Variants in SETD3 observed in about 807,000 individuals in gnomAD.
SETD3 encodes SET domain containing 3, actin N3(tau)-histidine methyltransferase, also known as actin-histidine N-methyltransferase.
Under a neutral mutation model 63.0 loss-of-function variants are expected in SETD3, and 19 were observed. That is an observed-to-expected ratio of 0.30 (90% CI 0.21 to 0.44). The LOEUF is 0.44. SETD3 is among the 20% of genes least tolerant of loss of function. The probability of loss-of-function intolerance (pLI) is 1.00; values close to 1 mark genes in which losing one functional copy is unlikely to be tolerated. For missense variants in SETD3, 587 were observed against 728.5 expected, an observed-to-expected ratio of 0.81 and a Z score of 2.24; for synonymous variants, 286 against 264.1, an observed-to-expected ratio of 1.08 and a Z score of -0.80.
chr14:99,407,833 T>TTGTTGATC (rs1891769322), intron 8 of SETD3, among the ~76,000 whole-genome samples: 1 of 152,126 alleles, frequency 6.6e-6, no homozygotes, highest in Admixed American at 6.5e-5. Context: ...CTGGAGCCCC[T>TTGTTGATC]TGTTGATCTC....
intron 2 of SETD3, among the ~76,000 whole-genome samples, chr14:99,464,895 C>T (rs1342233270): frequency 6.6e-6 from 1 of 152,210 alleles, no homozygotes; most frequent in Admixed American, 6.5e-5. Context: ...ATAATCCCAG[C>T]ACTTTGGTAG....
At chr14:99,442,834 T>C (rs1215987836) in intron 6 of SETD3, among the ~76,000 whole-genome samples, 1 of 152,172 alleles carries the variant, frequency 6.6e-6, no homozygotes, top group Admixed American at 6.5e-5. Flanking sequence ...CTGCCCCCTG[T>C]GCTGTTCAAG....
the SETD3 span, among the ~76,000 whole-genome samples, chr14:99,486,013 G>A: frequency 5.3e-5 from 8 of 151,846 alleles, no homozygotes; most frequent in Non-Finnish European, 7.4e-5. Context: ...ATCCTATACC[G>A]TACAAATTAC....
intron 1 of SETD3, among the ~76,000 whole-genome samples, chr14:99,473,219 T>C (rs1566737179): frequency 6.6e-6 from 1 of 152,216 alleles, no homozygotes; most frequent in Non-Finnish European, 1.5e-5. Context: ...TTCTTTTCCA[T>C]CGAATCTGAA....
chr14:99,404,142 C>A, intron 11 of SETD3, 83 bp downstream of exon 11: 1 of 1,109,382 alleles, frequency 9.0e-7, no homozygotes, highest in South Asian at 1.4e-5. Flanking sequence ...TCCACTTTAC[C>A]TTTAATCTGA....
chr14:99,412,929 A>AG (rs757262730), intron 8 of SETD3, 22 bp downstream of exon 8: 3 of 1,516,048 alleles, frequency 2.0e-6, no homozygotes, highest in Non-Finnish European at 2.8e-6. Flanking sequence ...ATTCAACACA[A>AG]CACAGGGGAA....
chr14:99,434,700 A>T (rs1027584939), intron 6 of SETD3, among the ~76,000 whole-genome samples: 1 of 151,894 alleles, frequency 6.6e-6, no homozygotes, highest in South Asian at 2.1e-4. Flanking sequence ...ATACAAAATT[A>T]GCTGGGCGTG....
intron 3 of SETD3, among the ~76,000 whole-genome samples, chr14:99,462,105 AAAAACAAATACAAAAAC>A (rs1895098656): frequency 6.6e-6 from 1 of 152,224 alleles, no homozygotes; most frequent in Non-Finnish European, 1.5e-5. Flanking sequence ...TTTATTTCTT[AAAAACAAATACAAAAAC>A]AAAACCAAGG....
chr14:99,448,998 T>C (rs1356028666), intron 6 of SETD3, among the ~76,000 whole-genome samples: 1 of 152,224 alleles, frequency 6.6e-6, no homozygotes, highest in African/African-American at 2.4e-5. Flanking sequence ...CAGGTATCTT[T>C]ACATGAAGAG....
At chr14:99,401,972 G>GCACA (rs200049527) in intron 11 of SETD3, among the ~76,000 whole-genome samples, 6,124 of 152,250 alleles carry the variant, frequency 0.04, 403 homozygotes, top group African/African-American at 0.14. Flanking sequence ...CCTGCCTGCA[G>GCACA]GCCAGGAGCT....
intron 6 of SETD3, among the ~76,000 whole-genome samples, chr14:99,427,965 C>T (rs936126908): frequency 1.4e-4 from 22 of 152,144 alleles, no homozygotes; most frequent in African/African-American, 5.3e-4. Flanking sequence ...ACATCCCAGA[C>T]AGAGAGTACC....
At chr14:99,469,014 T>C (rs1895548382) in intron 1 of SETD3, among the ~76,000 whole-genome samples, 1 of 152,200 alleles carries the variant, frequency 6.6e-6, no homozygotes, top group Non-Finnish European at 1.5e-5. Context: ...TTCCATCCCC[T>C]TGGAACAGAC....
intron 1 of SETD3, among the ~76,000 whole-genome samples, chr14:99,468,311 A>G (rs1044713396): frequency 3.9e-5 from 6 of 152,160 alleles, no homozygotes; most frequent in Admixed American, 2.0e-4. Context: ...ACGAGTCCTC[A>G]TGGTTAGACC....
At chr14:99,404,095 T>C (rs1489139759) in intron 11 of SETD3, 130 bp downstream of exon 11, 1 of 638,090 alleles carries the variant, frequency 1.6e-6, no homozygotes, top group African/African-American at 1.8e-5. Flanking sequence ...TCTCCAGTAT[T>C]GTATCTTCTC....
chr14:99,433,714 C>A (rs1014449304), intron 6 of SETD3, among the ~76,000 whole-genome samples: 95 of 152,206 alleles, frequency 6.2e-4, no homozygotes, highest in African/African-American at 2.2e-3. Context: ...TGGGATTACA[C>A]GTGTGAGCTA....
chr14:99,426,493 C>T (rs114685102), intron 6 of SETD3, among the ~76,000 whole-genome samples: 2,418 of 152,238 alleles, frequency 0.016, 60 homozygotes, highest in African/African-American at 0.055. Context: ...CGGAAAGCAG[C>T]AGAGCAGCTG....
chr14:99,421,896 T>C (rs1892615681), intron 6 of SETD3, among the ~76,000 whole-genome samples: 1 of 152,188 alleles, frequency 6.6e-6, no homozygotes, highest in Admixed American at 6.5e-5. Context: ...AATAGTCTTA[T>C]AAAGTCTAAT....
In SETD3 at chr14:99,464,386, G is replaced by A. The variant is rs534388356; in HGVS notation, c.104-808C>T. Among the ~76,000 whole-genome samples the A allele has an allele frequency of 2.4e-3, 369 of 152,270 alleles. 1 individual carries two copies. Among genetic ancestry groups the A allele is most frequent in the African/African-American group, 8.5e-3 (355 of 41,544 alleles). ...AATAACTAACAATAACTAGACACAC[G>A]CTGAGTCTTAACTATGAAGGGTAGC... On this transcript the variant is annotated intron_variant, in intron 2 of 12. Coordinates refer to ENST00000331768, the MANE Select transcript of SETD3 (RefSeq NM_032233.3).
Position 99,473,180 on chromosome 14 carries a change from A to G in SETD3, c.-8-7367T>C, listed in dbSNP as rs1895794825. On this transcript the variant is annotated intron_variant, in intron 1 of 12. Transcript: ENST00000331768. Reference sequence around the variant, plus strand: ...TGACTAATATACAGGGGCATCTGTAATCAACCACCACCTCTGCCAATCAAG... The same window carrying G: ...TGACTAATATACAGGGGCATCTGTAGTCAACCACCACCTCTGCCAATCAAG... 2.0e-5 allele frequency among the ~76,000 whole-genome samples: 3 copies of G among 152,222 alleles called. No homozygotes were observed. The South Asian group carries it at 6.2e-4, about 31-fold the overall frequency.
Sources: gnomAD v4.1 joint callset for allele counts (sites outside exome capture counted in the v4.1 genomes callset) on GRCh38, gnomAD v4.1.1 for gene constraint, MANE v1.5 for transcripts, NCBI Gene and HGNC (gene_info 2026-07-23, HGNC 2026-07-21) for gene names.